UBE2F: variants seen among roughly 807,000 people sequenced by gnomAD.
UBE2F encodes the protein NEDD8-conjugating enzyme UBE2F.
A neutral mutation model predicts 29.6 loss-of-function variants in UBE2F; 5 were observed. The observed-to-expected ratio is 0.17, with a 90% CI of 0.09 to 0.36. The LOEUF is 0.36. UBE2F is among the 10% of genes least tolerant of loss of function. The pLI, the probability that UBE2F is intolerant of heterozygous loss-of-function variation, is 1.00. For missense variants in UBE2F, 141 were observed against 228.5 expected (o/e 0.62, Z 2.47); for synonymous variants, 66 against 81.8 (o/e 0.81, Z 1.04).
At chr2:237,974,522 T>TG (rs1576587829) in intron 2 of UBE2F, among the ~76,000 whole-genome samples, 6 of 142,452 alleles carry the variant, frequency 4.2e-5, no homozygotes, top group South Asian at 4.6e-4. Flanking sequence ...TTTGTTTTTT[T>TG]TTTTTTTTTG....
intron 8 of UBE2F, 119 bp downstream of exon 8, chr2:238,032,373 C>A: frequency 2.4e-6 from 2 of 838,400 alleles, no homozygotes; most frequent in Non-Finnish European, 3.9e-6. Flanking sequence ...ATGGACTGGG[C>A]ACAGTGGCTC....
chr2:238,003,231 A>G (rs1280705576), intron 4 of UBE2F: 1 of 339,726 alleles, frequency 2.9e-6, no homozygotes, highest in Non-Finnish European at 6.0e-6. Flanking sequence ...AAATAATCTT[A>G]AAAATACAGA....
chr2:238,040,122 A>C lies in UBE2F; in HGVS notation c.508-1166A>C, dbSNP rs1188361426. 1.3e-5 allele frequency among the ~76,000 whole-genome samples: 2 copies of C among 152,188 alleles called. No individual in the cohort carries two copies. Among genetic ancestry groups the C allele is most frequent in the Non-Finnish European group, 2.9e-5 (2 of 68,044 alleles). ...CTCCACTTTCTCACCCTGAGACCAG[A>C]GCAAGTCATGGGACCGTATCCATAG... is the stretch of plus-strand genomic sequence containing the variant. On this transcript the variant is annotated intron_variant, in intron 9 of 9. Coordinates refer to ENST00000272930, the MANE Select transcript of UBE2F (RefSeq NM_080678.3). The surrounding 1 kb of genome is among the most constrained non-coding windows in gnomAD (Gnocchi z 4.4).
At chr2:237,975,202 G>A (rs941287883) in intron 2 of UBE2F, among the ~76,000 whole-genome samples, 1 of 151,974 alleles carries the variant, frequency 6.6e-6, no homozygotes, top group Admixed American at 6.6e-5. Flanking sequence ...TCTGGGCTCA[G>A]GCGATCCTGT....
intron 9 of UBE2F, among the ~76,000 whole-genome samples, chr2:238,039,071 G>A (rs61151557): frequency 0.035 from 5,248 of 152,086 alleles, 281 homozygotes; most frequent in East Asian, 0.2. Context: ...CCCATCTCTA[G>A]TAAAAATAAA....
At chr2:238,034,593 A>G (rs1006093989) in intron 8 of UBE2F, among the ~76,000 whole-genome samples, 1 of 152,220 alleles carries the variant, frequency 6.6e-6, no homozygotes, top group Non-Finnish European at 1.5e-5. Flanking sequence ...AGTAAAGAAG[A>G]TAAGAAATTC....
At chr2:237,969,772 G>A (rs1402261604) in intron 1 of UBE2F, among the ~76,000 whole-genome samples, 1 of 152,172 alleles carries the variant, frequency 6.6e-6, no homozygotes, top group South Asian at 2.1e-4. Context: ...AGGAGAGCTT[G>A]GCTCTAGATG....
chr2:237,989,747 T>C (rs911215590), intron 3 of UBE2F, among the ~76,000 whole-genome samples: 9 of 152,238 alleles, frequency 5.9e-5, no homozygotes, highest in African/African-American at 2.2e-4. Context: ...TGAAAGTGTT[T>C]TGAAAGACAC....
chr2:238,015,580 T>TAA (rs1304075377), intron 4 of UBE2F, among the ~76,000 whole-genome samples: 1 of 151,124 alleles, frequency 6.6e-6, no homozygotes, highest in Non-Finnish European at 1.5e-5. Context: ...TCTCAACTCT[T>TAA]AAGGAATGGA....
rs557344142 is a variant in UBE2F at position 238,023,737 on chromosome 2, A to G, written c.283-1605A>G. ...AGATCCTGTGATTTGACACTTCTGC[A>G]TATTAACCAAGGGGACCTTTCTGTG... On this transcript the variant is annotated intron_variant, in intron 5 of 9. Transcript: ENST00000272930. Among the ~76,000 whole-genome samples, 5 of 152,330 alleles carry G rather than the reference A, an allele frequency of 3.3e-5. No individual in the cohort carries two copies. In the East Asian group the frequency reaches 7.7e-4, roughly 24 times the overall value.
chr2:238,037,720 C>T (rs912856138), intron 9 of UBE2F, among the ~76,000 whole-genome samples: 4 of 152,192 alleles, frequency 2.6e-5, no homozygotes, highest in Non-Finnish European at 2.9e-5. Flanking sequence ...ATTCTTGTGC[C>T]TCAGCCTCCT....
At chr2:238,011,997 GCCT>G (rs2064041129) in intron 4 of UBE2F, among the ~76,000 whole-genome samples, 1 of 150,910 alleles carries the variant, frequency 6.6e-6, no homozygotes, top group Admixed American at 6.6e-5. Context: ...TCCCACCTCA[GCCT>G]CCTAAGTAGC....
chr2:237,991,609 C>CTTTTTTTTTTTTTTTTTTTTTTTTTTT (rs774476848), intron 3 of UBE2F, among the ~76,000 whole-genome samples: 1 of 53,054 alleles, frequency 1.9e-5, no homozygotes, highest in African/African-American at 7.0e-5. Context: ...TTCTTTCTTT[C>CTTTTTTTTTTTTTTTTTTTTTTTTTTT]TTTTTTTTTT....
At chr2:237,973,689 T>C (rs753381540) in intron 2 of UBE2F, 280 of 1,302,290 alleles carry the variant, frequency 2.2e-4, no homozygotes, top group Non-Finnish European at 2.8e-4. Context: ...TTAGTTCTCT[T>C]CACGGAATTA....
At chr2:237,970,130 T>C (rs2063144580) in intron 1 of UBE2F, among the ~76,000 whole-genome samples, 1 of 152,148 alleles carries the variant, frequency 6.6e-6, no homozygotes, top group Non-Finnish European at 1.5e-5. Context: ...TTTGGGAGGC[T>C]GAGGCAGGTG....
At chr2:237,994,109 C>CTT (rs34177204) in intron 3 of UBE2F, among the ~76,000 whole-genome samples, 11 of 122,340 alleles carry the variant, frequency 9.0e-5, no homozygotes, top group African/African-American at 2.1e-4. Context: ...TCTTCTTCTT[C>CTT]TTTTTTTTTT....
intron 1 of UBE2F, among the ~76,000 whole-genome samples, chr2:237,972,727 A>AT (rs2063202408): frequency 6.6e-6 from 1 of 151,034 alleles, no homozygotes; most frequent in Admixed American, 6.6e-5. Context: ...ATTTTTTTAT[A>AT]TTTTTTGTAG....
At position 238,042,123 on chromosome 2, in the gene UBE2F, G is replaced by C. The variant is rs564616450; in HGVS notation, c.*785G>C. On this transcript the variant is annotated 3_prime_UTR_variant, in exon 10 of 10. Transcript: ENST00000272930. ...AAATCAGCTCTTGCTTTCGGGTCCG[G>C]ATGTGGTGAGCACATTTTGGAGCCC... 6.6e-6 allele frequency: 1 copy of C among 152,254 alleles called. No individual in the cohort carries two copies. Among genetic ancestry groups the C allele is most frequent in the African/African-American group, 2.4e-5 (1 of 41,452 alleles). The allele number at this position is 152,254 out of a possible 1,614,324, so 9.4% of individuals were successfully genotyped here.
At chr2:238,024,094 A>G (rs1338196761) in intron 5 of UBE2F, among the ~76,000 whole-genome samples, 1 of 152,200 alleles carries the variant, frequency 6.6e-6, no homozygotes, top group Non-Finnish European at 1.5e-5. Flanking sequence ...TTTCTTCTAT[A>G]AAGAAAAATG....
Sources: gnomAD v4.1 joint callset for allele counts (sites outside exome capture counted in the v4.1 genomes callset) on GRCh38, gnomAD v4.1.1 for gene constraint, Gnocchi (gnomAD v3.1) non-coding constraint, MANE v1.5 for transcripts, NCBI Gene and HGNC (gene_info 2026-07-23, HGNC 2026-07-21) for gene names.